The following MPO variants were observed in gnomAD, a reference collection of about 807,000 sequenced individuals.
The protein encoded by MPO is myeloperoxidase.
A neutral mutation model predicts 69.4 loss-of-function variants in MPO; 57 were observed. That is an observed-to-expected ratio of 0.82 (90% CI 0.66 to 1.02). The LOEUF (loss-of-function observed/expected upper bound fraction) is 1.02. MPO is among the 50% of genes least tolerant of loss of function. MPO has a pLI of 0.00. For missense variants in MPO, 971 were observed against 1,014.1 expected, an observed-to-expected ratio of 0.96 and a Z score of 0.58; for synonymous variants, 426 against 417.1, an observed-to-expected ratio of 1.02 and a Z score of -0.26.
chr17:58,272,482 A>ATTT (rs1179491690), intron 10 of MPO, among the ~76,000 whole-genome samples: 1 of 152,192 alleles, frequency 6.6e-6, no homozygotes, highest in Non-Finnish European at 1.5e-5. Context: ...ACAGAGACAG[A>ATTT]TTTTCAGACT....
At chr17:58,276,996 T>C (rs1970446441) in intron 7 of MPO, among the ~76,000 whole-genome samples, 1 of 151,920 alleles carries the variant, frequency 6.6e-6, no homozygotes, top group African/African-American at 2.4e-5. Flanking sequence ...TAGTCCCAGC[T>C]ACTCAGGAGG....
At chr17:58,279,268 C>T (rs763453201) in intron 5 of MPO, 29 bp downstream of exon 5, 1 of 1,563,392 alleles carries the variant, frequency 6.4e-7, no homozygotes, top group South Asian at 1.2e-5. Context: ...CGTGGCCGGG[C>T]CTCGCCCCCT....
Position 58,270,732 on chromosome 17 carries a change from T to A in MPO, c.2162A>T (p.Asn721Ile), listed in dbSNP as rs752406825. The A allele has an allele frequency of 8.1e-6, 13 of 1,613,924 alleles. No individual in the cohort carries two copies. In the East Asian group the frequency reaches 2.2e-4, roughly 28 times the overall value. Residue 721 changes from asparagine (N) to isoleucine (I), a missense_variant, in exon 12 of 12, where the codon AAC becomes ATC. Asn to Ile is a moderately radical substitution (Grantham distance 149). Coordinates refer to ENST00000225275, the MANE Select transcript of MPO (RefSeq NM_000250.2). The surrounding 1 kb of genome is among the most constrained non-coding windows in gnomAD (Gnocchi z 4.1). ...GTTGACAAAGTCCCGGGGATATGAG[T>A]TGGACATGAAGATGTTGTTCTTAGA... ...TVSKNNIFMS[N>I]SYPRDFVNCS...
chr17:58,280,309 T>C, intron 2 of MPO, 57 bp downstream of exon 2: 1 of 1,570,366 alleles, frequency 6.4e-7, no homozygotes, highest in Non-Finnish European at 8.8e-7. Context: ...TGCCTGCTGC[T>C]TCTCTGAAAG....
rs144202855 is a variant in MPO, at chr17:58,272,254, G to A, written c.1793-362C>T. On this transcript the variant is annotated intron_variant, in intron 10 of 11. Coordinates refer to ENST00000225275, the MANE Select transcript of MPO (RefSeq NM_000250.2). Reference sequence around the variant, plus strand: ...CTCTGACCCATGAGAGGTGAAATGTGTCTAGAAGCCTCAGCCACATGGGCT... The same window carrying A: ...CTCTGACCCATGAGAGGTGAAATGTATCTAGAAGCCTCAGCCACATGGGCT... Among the ~76,000 whole-genome samples, 6 of 152,300 alleles carry A rather than the reference G, an allele frequency of 3.9e-5. No individual in the cohort carries two copies. In the East Asian group the frequency reaches 9.6e-4, roughly 24 times the overall value.
chr17:58,270,792 CG>C lies in MPO; in HGVS notation c.2101del (p.Arg701GlyfsTer36). ...RQALAQISLP[R>X]IICDNTGITT... ...GATGCCTGTGTTGTCGCAGATGATCCGGGGCAATGAGATCTGGGCCAGGGCC... is the reference window on the plus strand; with the variant it reads ...GATGCCTGTGTTGTCGCAGATGATCCGGGCAATGAGATCTGGGCCAGGGCC... On this transcript the variant is annotated frameshift_variant, in exon 12 of 12. Transcript: ENST00000225275. LOFTEE classifies it high-confidence loss of function. This position sits in a 1 kb window ranked among gnomAD's most constrained non-coding sequence, Gnocchi z 4.1. The C allele has an allele frequency of 6.2e-7, 1 of 1,614,020 alleles. No homozygotes were observed. The highest frequency in any genetic ancestry group is 1.1e-5 in the South Asian group (1 of 91,080).
At chr17:58,274,225 G>C (rs745628179) in intron 8 of MPO, 10 of 490,590 alleles carry the variant, frequency 2.0e-5, no homozygotes, top group Non-Finnish European at 4.1e-5. Flanking sequence ...ACATGGAATA[G>C]TCTCACTCTA....
intron 1 of MPO, 42 bp from the exon 2 acceptor site, chr17:58,280,501 C>A: frequency 6.2e-7 from 1 of 1,613,278 alleles, no homozygotes; most frequent in East Asian, 2.2e-5. Flanking sequence ...TGGGCCCCAA[C>A]CCCCTATCAG....
At position 58,279,457 on chromosome 17, in the gene MPO, G is replaced by A. The variant is rs766389652; in HGVS notation, c.549-31C>T. The A allele has an allele frequency of 5.6e-6, 9 of 1,611,898 alleles. No individual in the cohort carries two copies. In the South Asian group the frequency reaches 9.9e-5, roughly 18 times the overall value. ...GGGGAGGACAGGGCGCTGACACCGG[G>A]AGGCTTGTGGCGTCCGGGACGCCTC... On this transcript the variant is annotated intron_variant, in intron 4 of 11. Transcript: ENST00000225275.
At chr17:58,279,262 G>C in intron 5 of MPO, 35 bp downstream of exon 5, 3 of 1,563,434 alleles carry the variant, frequency 1.9e-6, no homozygotes, top group Non-Finnish European at 2.6e-6. Flanking sequence ...GCACCGCGTG[G>C]CCGGGCCTCG....
Position 58,279,404 on chromosome 17 carries a change from A to C in MPO, c.571T>G (p.Ser191Ala), listed in dbSNP as rs773436729. 6.2e-7 allele frequency: 1 copy of C among 1,608,478 alleles called. No homozygotes were observed. The highest frequency in any genetic ancestry group is 1.7e-5 in the Admixed American group (1 of 59,214). Residue 191 changes from serine (S) to alanine (A), a missense_variant, in exon 5 of 12, where the codon TCC becomes GCC. Transcript: ENST00000225275. ...AGCCAGCGCACAAAGGCACGGTTGG[A>C]GGCCCCCAGCGTGGGGCTGCGTCTG... ...NNRRSPTLGA[S>A]NRAFVRWLPA...
At position 58,274,345 on chromosome 17, in the gene MPO, GGAGTGT is replaced by G. The variant is rs1479123933; in HGVS notation, c.1366-682_1366-677del. On this transcript the variant is annotated intron_variant, in intron 8 of 11. Coordinates refer to ENST00000225275, the MANE Select transcript of MPO (RefSeq NM_000250.2). ...CGAAAACTCTCTCCTCCAGAATCTA[GGAGTGT>G]GTGTGTGTGTGTGTGTGTGTGTGTG... 79 of 357,438 alleles carry G rather than the reference GGAGTGT, an allele frequency of 2.2e-4. No individual in the cohort carries two copies. In the East Asian group the frequency reaches 5.5e-3, roughly 25 times the overall value. 22.1% of individuals were successfully genotyped at this position (357,438 alleles called of 1,614,324 possible).
rs1249076182 is a variant in MPO, at chr17:58,279,428, T to A, written c.549-2A>T. The stretch of plus-strand genomic sequence containing the variant: ...GAGGCCCCCAGCGTGGGGCTGCGTC[T>A]GCAGGGGAGGACAGGGCGCTGACAC... On this transcript the variant is annotated splice_acceptor_variant, in intron 4 of 11. Transcript: ENST00000225275. LOFTEE classifies it high-confidence loss of function. The A allele has an allele frequency of 1.9e-6, 3 of 1,610,934 alleles. No individual in the cohort carries two copies. Among genetic ancestry groups the A allele is most frequent in the Non-Finnish European group, 2.5e-6 (3 of 1,178,918 alleles).
chr17:58,273,025 G>T, intron 9 of MPO, 107 bp from the exon 10 acceptor site: 2 of 1,414,188 alleles, frequency 1.4e-6, no homozygotes, highest in Non-Finnish European at 1.9e-6. Flanking sequence ...CGAGAAGAGG[G>T]CTGGGCACAA....
chr17:58,273,098 C>G (rs1438816411), intron 9 of MPO, among the ~76,000 whole-genome samples, 180 bp from the exon 10 acceptor site: 1 of 152,120 alleles, frequency 6.6e-6, no homozygotes, highest in Non-Finnish European at 1.5e-5. Flanking sequence ...CTACATGACC[C>G]CAGGGACATA....
rs370137062 is a variant in MPO, at chr17:58,270,425, T to G, written c.*231A>C. The G allele has an allele frequency of 3.6e-6, 2 of 555,370 alleles. No homozygotes were observed. Among genetic ancestry groups the G allele is most frequent in the African/African-American group, 3.7e-5 (2 of 53,406 alleles). The allele number at this position is 555,370 out of a possible 1,614,324, so 34.4% of individuals were successfully genotyped here. On this transcript the variant is annotated 3_prime_UTR_variant, in exon 12 of 12. Transcript: ENST00000225275. The surrounding 1 kb of genome is among the most constrained non-coding windows in gnomAD (Gnocchi z 4.1). Reference sequence around the variant, plus strand: ...CAGCACAAACACACACTCACATAAATGGCACATACACATAACCCATGAAAC... The same window carrying G: ...CAGCACAAACACACACTCACATAAAGGGCACATACACATAACCCATGAAAC...
chr17:58,280,871 C>T lies in MPO; in HGVS notation c.-113G>A. 2 of 1,298,694 alleles carry T rather than the reference C, an allele frequency of 1.5e-6. No homozygotes were observed. The highest frequency in any genetic ancestry group is 1.4e-5 in the South Asian group (1 of 72,682). The allele number at this position is 1,298,694 out of a possible 1,614,324, so 80.4% of individuals were successfully genotyped here. ...AGGGAGGGGCTCACTGCTCTCTTAT[C>T]CCCTTGCCAGCTGCTGTCATCCAGC... is the stretch of plus-strand genomic sequence containing the variant. On this transcript the variant is annotated 5_prime_UTR_variant, in exon 1 of 12. Transcript: ENST00000225275.
rs768049439 is a variant in MPO, at chr17:58,271,877, C to T, written c.1808G>A (p.Arg603Lys). Residue 603 changes from arginine to lysine, a missense_variant, in exon 11 of 12, where the codon AGG (arginine) becomes AAG (lysine). Transcript: ENST00000225275. Reference sequence around the variant, plus strand: ...AGGCTGCGGGAGCCCACAGAAGCGCCTCCAGGCATTGTATCCTGCATGGGG... The same window carrying T: ...AGGCTGCGGGAGCCCACAGAAGCGCTTCCAGGCATTGTATCCTGCATGGGG... ...DHGLPGYNAW[R>K]RFCGLPQPET... The T allele has an allele frequency of 6.2e-7, 1 of 1,614,094 alleles. No homozygotes were observed. The highest frequency in any genetic ancestry group is 8.5e-7 in the Non-Finnish European group (1 of 1,180,044).
intron 7 of MPO, among the ~76,000 whole-genome samples, chr17:58,276,659 T>G (rs1354028237): frequency 6.6e-6 from 1 of 152,176 alleles, no homozygotes; most frequent in Non-Finnish European, 1.5e-5. Context: ...CTTGCCTAAC[T>G]AGCCCAGAAG....
Sources: allele counts gnomAD v4.1 joint callset (sites outside exome capture counted in the v4.1 genomes callset), GRCh38; gene constraint gnomAD v4.1.1; non-coding constraint Gnocchi (gnomAD v3.1); transcripts MANE v1.5; gene names NCBI Gene and HGNC (gene_info 2026-07-23, HGNC 2026-07-21).